The following SHMT2 variants were observed in gnomAD, a reference collection of about 807,000 sequenced individuals.
SHMT2 encodes the protein serine hydroxymethyltransferase, mitochondrial.
In SHMT2, 38 loss-of-function variants were observed where a neutral mutation model predicts 59.6. The observed-to-expected ratio is 0.64, with a 90% CI of 0.49 to 0.84. The LOEUF (loss-of-function observed/expected upper bound fraction) is 0.84, where lower values mean the gene tolerates loss of function less well. Among genes scored for constraint, SHMT2 ranks in the 40% least tolerant of loss-of-function variants. The pLI, the probability that SHMT2 is intolerant of heterozygous loss-of-function variation, is 0.00. For missense variants in SHMT2, 533 were observed against 659.5 expected (o/e 0.81, Z 2.10); for synonymous variants, 254 against 258.1 (o/e 0.98, Z 0.15).
At position 57,231,758 on chromosome 12, in the gene SHMT2, C is replaced by A; in HGVS notation, c.357C>A (p.Cys119Ter). 1 of 1,614,176 alleles carries A rather than the reference C, an allele frequency of 6.2e-7. No individual in the cohort carries two copies. Among genetic ancestry groups the A allele is most frequent in the South Asian group, 1.1e-5 (1 of 91,086 alleles). ...AEVVDEIELL[C>*]QRRALEAFDL... is the part of the protein sequence containing the mutation. Reference sequence around the variant, plus strand: ...TGGTGGATGAAATTGAGCTGCTGTGCCAGCGCCGGGCCTTGGAAGCCTTTG... The same window carrying A: ...TGGTGGATGAAATTGAGCTGCTGTGACAGCGCCGGGCCTTGGAAGCCTTTG... Residue 119 changes from cysteine to a stop codon, truncating the protein, a stop_gained, in exon 4 of 12, where the codon TGC becomes TGA. Coordinates refer to ENST00000328923, the MANE Select transcript of SHMT2 (RefSeq NM_005412.6). LOFTEE classifies it high-confidence loss of function.
Position 57,234,467 on chromosome 12 carries a change from C to T in SHMT2, c.*106C>T. On this transcript the variant is annotated 3_prime_UTR_variant, in exon 12 of 12. Transcript: ENST00000328923. Reference sequence around the variant, plus strand: ...TATTTTTTGGTGCGGGAGGGAAGACCTCTCACTTAGGGCAAGAGCCAGGTA... The same window carrying T: ...TATTTTTTGGTGCGGGAGGGAAGACTTCTCACTTAGGGCAAGAGCCAGGTA... 1 of 1,303,336 alleles carries T rather than the reference C, an allele frequency of 7.7e-7. No individual in the cohort carries two copies. The highest frequency in any genetic ancestry group is 1.0e-6 in the Non-Finnish European group (1 of 966,164). The allele number at this position is 1,303,336 out of a possible 1,614,324, so 80.7% of individuals were successfully genotyped here.
intron 1 of SHMT2, chr12:57,230,013 G>T (rs1383686940): frequency 3.5e-6 from 5 of 1,431,058 alleles, no homozygotes; most frequent in Admixed American, 5.7e-5. Flanking sequence ...TCATTCTGGC[G>T]ATCAGACGCC....
rs2037317185 is a variant in SHMT2 at position 57,231,525 on chromosome 12, GAAC to G, written c.282_284del (p.Asn94del). On this transcript the variant is annotated inframe_deletion, in exon 3 of 12. Coordinates refer to ENST00000328923, the MANE Select transcript of SHMT2 (RefSeq NM_005412.6). The stretch of plus-strand genomic sequence containing the variant: ...CGCTGGAGGCCCTGGGGTCCTGTCT[GAAC>G]AACAAGTACTCGGAGGGTTATCCTG... The G allele has an allele frequency of 1.9e-6, 3 of 1,614,098 alleles. No individual in the cohort carries two copies. The highest frequency in any genetic ancestry group is 1.7e-5 in the Admixed American group (1 of 60,002).
chr12:57,232,101 G>C (rs1277318124), intron 4 of SHMT2, 110 bp from the exon 5 acceptor site: 3 of 1,167,008 alleles, frequency 2.6e-6, no homozygotes, highest in Non-Finnish European at 3.8e-6. Context: ...GCAGTGAGGC[G>C]GTGTGTCCTA....
At position 57,234,275 on chromosome 12, in the gene SHMT2, GAAAC is replaced by G; in HGVS notation, c.1432_1435del (p.Thr478ValfsTer50). 6.2e-7 allele frequency: 1 copy of G among 1,613,810 alleles called. No individual in the cohort carries two copies. The highest frequency in any genetic ancestry group is 1.1e-5 in the South Asian group (1 of 91,036). Reference sequence around the variant, plus strand: ...CAAATCCTTCCTGCTTAAGGACTCAGAAACAAGTCAGCGTCTGGCCAACCTCAGG... The same window carrying G: ...CAAATCCTTCCTGCTTAAGGACTCAGAAGTCAGCGTCTGGCCAACCTCAGG... On this transcript the variant is annotated frameshift_variant, in exon 12 of 12. Transcript: ENST00000328923. LOFTEE classifies it high-confidence loss of function.
intron 7 of SHMT2, 52 bp from the exon 8 acceptor site, chr12:57,233,128 G>T (rs2037395286): frequency 6.6e-7 from 1 of 1,508,988 alleles, no homozygotes; most frequent in Admixed American, 2.3e-5. Flanking sequence ...TGCCTTCTCT[G>T]TCCCTTGTCC....
chr12:57,231,181 AT>A, intron 2 of SHMT2, 181 bp downstream of exon 2: 1 of 668,108 alleles, frequency 1.5e-6, no homozygotes, highest in Non-Finnish European at 2.6e-6. Flanking sequence ...GGGTTGGGAC[AT>A]TTAGGGAGCC....
chr12:57,232,279 C>G lies in SHMT2; in HGVS notation c.581C>G (p.Pro194Arg). The G allele has an allele frequency of 6.2e-7, 1 of 1,614,072 alleles. No individual in the cohort carries two copies. The highest frequency in any genetic ancestry group is 8.5e-7 in the Non-Finnish European group (1 of 1,179,938). Residue 194 changes from proline (P) to arginine (R), a missense_variant, in exon 5 of 12, where the codon CCC (proline) becomes CGC (arginine). Physicochemically the swap from Pro to Arg is moderately radical, Grantham distance 103 (BLOSUM62 -2). Coordinates refer to ENST00000328923, the MANE Select transcript of SHMT2 (RefSeq NM_005412.6). ...SATSIFFESM[P>R]YKLNPKTGLI... ...ACGTCCATCTTCTTCGAGTCTATGC[C>G]CTATAAGCTCAACGTGAGTGCTCTA...
chr12:57,231,199 G>T (rs1196341191), intron 2 of SHMT2, 199 bp downstream of exon 2: 4 of 633,934 alleles, frequency 6.3e-6, no homozygotes, highest in Non-Finnish European at 8.2e-6. Context: ...AGCCTCCAGG[G>T]TCCCTACAGT....
intron 2 of SHMT2, 21 bp downstream of exon 2, chr12:57,231,021 C>T: frequency 8.7e-6 from 14 of 1,611,436 alleles, no homozygotes; most frequent in Non-Finnish European, 1.2e-5. Flanking sequence ...GGGAGATGGG[C>T]AGGGGTTGGG....
chr12:57,234,336 C>T lies in SHMT2; in HGVS notation c.1490C>T (p.Pro497Leu). ...GTGGAGCAGTTTGCCAGGGCCTTCC[C>T]CATGCCTGGTTTTGATGAGCATTGA... Reference protein sequence around the residue: ...QRVEQFARAFPMPGFDEH With the variant: ...QRVEQFARAFLMPGFDEH The change falls in exon 12 of 12, where the codon CCC (proline) becomes CTC (leucine). Residue 497 changes from proline (P) to leucine (L), a missense_variant. By Grantham distance (98) the Pro-to-Leu change is moderately conservative. Coordinates refer to ENST00000328923, the MANE Select transcript of SHMT2 (RefSeq NM_005412.6). 1.2e-6 allele frequency: 2 copies of T among 1,608,564 alleles called. No homozygotes were observed. Among genetic ancestry groups the T allele is most frequent in the Non-Finnish European group, 1.7e-6 (2 of 1,177,506 alleles).
chr12:57,231,410 G>T, intron 2 of SHMT2, 71 bp from the exon 3 acceptor site: 2 of 1,509,368 alleles, frequency 1.3e-6, no homozygotes, highest in Non-Finnish European at 1.8e-6. Flanking sequence ...CTCTGGCTCT[G>T]GCAGGGAGGG....
intron 1 of SHMT2, chr12:57,230,012 C>A: frequency 7.0e-7 from 1 of 1,429,866 alleles, no homozygotes; most frequent in Non-Finnish European, 9.1e-7. Flanking sequence ...CTCATTCTGG[C>A]GATCAGACGC....
chr12:57,234,856 GTC>G lies in SHMT2; in HGVS notation c.*499_*500del, dbSNP rs2037490602. The G allele has an allele frequency of 6.4e-6, 1 of 157,128 alleles. No individual in the cohort carries two copies. The allele number at this position is 157,128 out of a possible 1,614,324, so 9.7% of individuals were successfully genotyped here. Reference sequence around the variant, plus strand: ...CCCGGGGCTGCAGCCTCCTCTTTCTGTCTCTGATCAGAGCCGACACCAGACGT... The same window carrying G: ...CCCGGGGCTGCAGCCTCCTCTTTCTGTCTGATCAGAGCCGACACCAGACGT... On this transcript the variant is annotated 3_prime_UTR_variant, in exon 12 of 12. Coordinates refer to ENST00000328923, the MANE Select transcript of SHMT2 (RefSeq NM_005412.6).
At chr12:57,232,917 C>G in intron 7 of SHMT2, 74 bp downstream of exon 7, 1 of 1,550,140 alleles carries the variant, frequency 6.5e-7, no homozygotes, top group Non-Finnish European at 8.8e-7. Flanking sequence ...TGGCCTGGAC[C>G]TGAGAGGAAT....
In SHMT2 at chr12:57,234,804, G is replaced by GCTCCCACCACC. The variant is rs1442663463; in HGVS notation, c.*444_*454dup. On this transcript the variant is annotated 3_prime_UTR_variant, in exon 12 of 12. Coordinates refer to ENST00000328923, the MANE Select transcript of SHMT2 (RefSeq NM_005412.6). ...TCTCCCTCAATGTGTACACCGCTCCGCTCCCACCACCGCTACCACAAGGAC... is the reference window on the plus strand; with the variant it reads ...TCTCCCTCAATGTGTACACCGCTCCGCTCCCACCACCCTCCCACCACCGCTACCACAAGGAC... 1 of 155,768 alleles carries GCTCCCACCACC rather than the reference G, an allele frequency of 6.4e-6. No homozygotes were observed. Among genetic ancestry groups the GCTCCCACCACC allele is most frequent in the Non-Finnish European group, 1.4e-5 (1 of 71,212 alleles). 9.6% of individuals were successfully genotyped at this position (155,768 alleles called of 1,614,324 possible). A position where few individuals can be genotyped will look rare whatever the true frequency, so the allele number is the denominator to read the frequency against.
At chr12:57,230,061 G>A (rs1031026931) in intron 1 of SHMT2, 2 of 1,408,356 alleles carry the variant, frequency 1.4e-6, no homozygotes, top group South Asian at 3.0e-5. Flanking sequence ...GTGGCATTAG[G>A]GGAGAGGACA....
In SHMT2 at chr12:57,234,572, C is replaced by A. The variant is rs945246287; in HGVS notation, c.*211C>A. 1 of 463,496 alleles carries A rather than the reference C, an allele frequency of 2.2e-6. No individual in the cohort carries two copies. Among genetic ancestry groups the A allele is most frequent in the Non-Finnish European group, 3.7e-6 (1 of 272,014 alleles). 28.7% of individuals were successfully genotyped at this position (463,496 alleles called of 1,614,324 possible). A position where few individuals can be genotyped will look rare whatever the true frequency, so the allele number is the denominator to read the frequency against. On this transcript the variant is annotated 3_prime_UTR_variant, in exon 12 of 12. Transcript: ENST00000328923. ...TGGTAACAAGACTTAGAAGGAGGGC[C>A]CAGGCACTTTCTGTTTGAACCCCTG...
rs117173238 is a variant in SHMT2 at position 57,230,842 on chromosome 12, C to T, written c.73C>T (p.Arg25Trp). 46 of 1,614,114 alleles carry T rather than the reference C, an allele frequency of 2.8e-5. No individual in the cohort carries two copies. The highest frequency in any genetic ancestry group is 1.7e-4 in the Middle Eastern group (1 of 6,046). Residue 25 changes from arginine (R) to tryptophan (W), a missense_variant, in exon 2 of 12, where the codon CGG (arginine) becomes TGG (tryptophan). Transcript: ENST00000328923. ...TGGGCAGCTGGTCAGGATGGCCATT[C>T]GGGCTCAGCACAGCAACGCAGCCCA... ...RCGQLVRMAI[R>W]AQHSNAAQTQ...
Sources: allele counts gnomAD v4.1 joint callset, GRCh38; gene constraint gnomAD v4.1.1; transcripts MANE v1.5; gene names NCBI Gene and HGNC (gene_info 2026-07-23, HGNC 2026-07-21).